The following SOX5 variants were observed in gnomAD, a reference collection of about 807,000 sequenced individuals.
The protein encoded by SOX5 is transcription factor SOX-5.
In SOX5, 9 loss-of-function variants were observed where a neutral mutation model predicts 92.0. The observed-to-expected ratio is 0.10, with a 90% confidence interval of 0.06 to 0.17. SOX5 has a LOEUF of 0.17. SOX5 is among the 10% of genes least tolerant of loss of function. The pLI is 1.00. For synonymous variants in SOX5, 344 were observed against 336.3 expected, an observed-to-expected ratio of 1.02 and a Z score of -0.25; for missense variants, 642 against 944.5, an observed-to-expected ratio of 0.68 and a Z score of 4.20.
Position 23,543,401 on chromosome 12 carries a change from T to C in SOX5, c.1598-17A>G, listed in dbSNP as rs371964472. ...CAGCACTTCCTGAAAACAGGAAACA[T>C]CACTTCGTGTTAGCGTTAAAACTTT... On this transcript the variant is annotated splice_polypyrimidine_tract_variant and intron_variant, in intron 12 of 14. Coordinates refer to ENST00000451604, the MANE Select transcript of SOX5 (RefSeq NM_006940.6). 6.2e-7 allele frequency: 1 copy of C among 1,605,794 alleles called. No individual in the cohort carries two copies. The highest frequency in any genetic ancestry group is 1.7e-4 in the Middle Eastern group (1 of 5,912).
At chr12:24,011,465 C>T (rs1952928030) in intron 4 of SOX5, among the ~76,000 whole-genome samples, 1 of 152,158 alleles carries the variant, frequency 6.6e-6, no homozygotes, top group African/African-American at 2.4e-5. Flanking sequence ...CTAATTCTCT[C>T]CCTTCTTTGC....
Position 23,980,402 on chromosome 12 carries a change from T to C in SOX5, c.-1-84378A>G, listed in dbSNP as rs148186713. Among the ~76,000 whole-genome samples, 37 of 152,238 alleles carry C rather than the reference T, an allele frequency of 2.4e-4. No homozygotes were observed. In the East Asian group the frequency reaches 7.0e-3, roughly 29 times the overall value. ...CAATAATATTCCTTTAAATGTAATA[T>C]TCCTTCATATATATATAATTTTTGA... On this transcript the variant is annotated intron_variant, in intron 4 of 4. Coordinates refer to the SOX5 transcript ENST00000446891.
intron 3 of SOX5, among the ~76,000 whole-genome samples, chr12:24,267,237 AAAAC>A (rs1943139805): frequency 6.6e-6 from 1 of 152,142 alleles, no homozygotes; most frequent in South Asian, 2.1e-4. Context: ...AAAACAAAAC[AAAAC>A]AAACAAACAA....
intron 1 of SOX5, among the ~76,000 whole-genome samples, chr12:24,459,171 C>T (rs1254981371): frequency 2.0e-5 from 3 of 152,146 alleles, no homozygotes; most frequent in African/African-American, 7.2e-5. Context: ...ACTTAAGGTC[C>T]TTTGTCACGA....
intron 1 of SOX5, among the ~76,000 whole-genome samples, chr12:24,512,340 C>T (rs1027814104): frequency 1.3e-5 from 2 of 152,210 alleles, no homozygotes; most frequent in African/African-American, 4.8e-5. Flanking sequence ...CTGTCATAAG[C>T]TGTAAATCCT....
At chr12:24,150,473 C>T (rs36084983) in intron 4 of SOX5, among the ~76,000 whole-genome samples, 18,406 of 151,952 alleles carry the variant, frequency 0.12, 1,581 homozygotes, top group East Asian at 0.42. Flanking sequence ...AGTTTATGGA[C>T]GGAAGATAAA....
At chr12:23,884,784 GT>G (rs1343674643) in intron 2 of SOX5, among the ~76,000 whole-genome samples, 1 of 152,146 alleles carries the variant, frequency 6.6e-6, no homozygotes, top group Non-Finnish European at 1.5e-5. Context: ...GATAAACGTA[GT>G]TGCTGAACTC....
chr12:24,504,150 G>A (rs1948498430), intron 1 of SOX5, among the ~76,000 whole-genome samples: 1 of 151,976 alleles, frequency 6.6e-6, no homozygotes, highest in Non-Finnish European at 1.5e-5. Flanking sequence ...AAATTAATTG[G>A]CCCACTAATT....
At chr12:24,107,994 T>C (rs1946878264) in intron 4 of SOX5, among the ~76,000 whole-genome samples, 1 of 152,162 alleles carries the variant, frequency 6.6e-6, no homozygotes, top group Non-Finnish European at 1.5e-5. Flanking sequence ...TAAAATCAAG[T>C]CAGATGTTAA....
At chr12:23,683,407 A>G (rs537041607) in intron 6 of SOX5, among the ~76,000 whole-genome samples, 1 of 151,966 alleles carries the variant, frequency 6.6e-6, no homozygotes, top group Non-Finnish European at 1.5e-5. Context: ...ATGCTATCTC[A>G]TAGTTCATAA....
At chr12:24,257,219 T>C (rs1352988596) in intron 3 of SOX5, among the ~76,000 whole-genome samples, 1 of 152,230 alleles carries the variant, frequency 6.6e-6, no homozygotes, top group Admixed American at 6.5e-5. Context: ...AAACATAATT[T>C]CCTAATTATC....
At chr12:23,738,926 CAA>C (rs765232165) in intron 5 of SOX5, among the ~76,000 whole-genome samples, 33 of 152,182 alleles carry the variant, frequency 2.2e-4, no homozygotes, top group Non-Finnish European at 4.3e-4. Context: ...AAAAAAAAGC[CAA>C]ATATATCTTT....
At chr12:23,931,138 T>A (rs183520956) in intron 1 of SOX5, among the ~76,000 whole-genome samples, 12 of 151,918 alleles carry the variant, frequency 7.9e-5, no homozygotes, top group Non-Finnish European at 1.5e-4. Flanking sequence ...CACAAATATT[T>A]CACTACTGCT....
intron 2 of SOX5, among the ~76,000 whole-genome samples, chr12:24,335,417 C>T (rs1208897565): frequency 3.3e-5 from 5 of 152,150 alleles, no homozygotes; most frequent in Admixed American, 1.3e-4. Flanking sequence ...TTAGTATATG[C>T]TAGGTACTAA....
At chr12:24,301,746 G>A (rs79079861) in intron 2 of SOX5, among the ~76,000 whole-genome samples, 1 of 152,172 alleles carries the variant, frequency 6.6e-6, no homozygotes, top group East Asian at 1.9e-4. Flanking sequence ...TACTGTCCTG[G>A]GTGGAGGATG....
intron 2 of SOX5, among the ~76,000 whole-genome samples, chr12:24,330,922 G>A (rs1951231512): frequency 6.6e-6 from 1 of 152,178 alleles, no homozygotes; most frequent in African/African-American, 2.4e-5. Context: ...CTGGAAGATG[G>A]AAAGCAGACG....
At chr12:24,535,795 T>A (rs1022731060) in intron 1 of SOX5, among the ~76,000 whole-genome samples, 1 of 152,194 alleles carries the variant, frequency 6.6e-6, no homozygotes, top group African/African-American at 2.4e-5. Flanking sequence ...CAGTTCCTGA[T>A]AGAACCATTC....
intron 3 of SOX5, among the ~76,000 whole-genome samples, chr12:23,764,013 C>A (rs73075706): frequency 0.13 from 19,672 of 151,886 alleles, 1,558 homozygotes; most frequent in African/African-American, 0.22. Context: ...ATGTCAGCAG[C>A]ATGTGGGTGG....
chr12:23,768,354 C>G (rs535228787), intron 3 of SOX5, among the ~76,000 whole-genome samples: 15 of 152,154 alleles, frequency 9.9e-5, no homozygotes, highest in African/African-American at 3.4e-4. Flanking sequence ...GGAATCTTCT[C>G]TAAGGTATAA....
Sources: allele counts gnomAD v4.1 joint callset (sites outside exome capture counted in the v4.1 genomes callset), GRCh38; gene constraint gnomAD v4.1.1; transcripts MANE v1.5; gene names NCBI Gene and HGNC (gene_info 2026-07-23, HGNC 2026-07-21).